The following DNAH9 variants were observed in gnomAD, a reference collection of about 807,000 sequenced individuals.
DNAH9 encodes dynein axonemal heavy chain 9, also known as DNAH9 variant protein.
A neutral mutation model predicts 471.6 loss-of-function variants in DNAH9; 345 were observed. The observed-to-expected ratio is 0.73, with a 90% confidence interval of 0.67 to 0.80. The LOEUF is 0.80. DNAH9 is among the 30% of genes least tolerant of loss of function. The pLI is 0.00. For synonymous variants in DNAH9, 2,093 were observed against 2,123.6 expected (o/e 0.99, Z 0.40); for missense variants, 5,407 against 5,609.2 (o/e 0.96, Z 1.15).
At chr17:11,627,419 G>A (rs776422565) in intron 6 of DNAH9, among the ~76,000 whole-genome samples, 7 of 152,218 alleles carry the variant, frequency 4.6e-5, no homozygotes, top group East Asian at 1.9e-4. Flanking sequence ...AAAATGGTAC[G>A]AAGTATTTCC....
At chr17:11,751,773 G>GA (rs58528888) in intron 32 of DNAH9, among the ~76,000 whole-genome samples, 5 of 150,714 alleles carry the variant, frequency 3.3e-5, no homozygotes, top group East Asian at 3.9e-4. Flanking sequence ...TTGGAGGAAA[G>GA]AAAAAAAAAT....
At chr17:11,807,633 C>A in intron 43 of DNAH9, 99 bp from the exon 44 acceptor site, 1 of 1,298,518 alleles carries the variant, frequency 7.7e-7, no homozygotes, top group Non-Finnish European at 1.1e-6. Context: ...CTGTGACGTG[C>A]CTCCAAGGAA....
In DNAH9 at chr17:11,617,459, G is replaced by C; in HGVS notation, c.953G>C (p.Arg318Pro). ...CATGTGCACCTGATACCGCTCCAGC[G>C]CCACCTGGAAGCTCTGGAGAATGCA... ...DIHVHLIPLQ[R>P]HLEALENAEF... The change falls in exon 5 of 69, where the codon CGC becomes CCC. Residue 318 changes from arginine (R) to proline (P), a missense_variant. By Grantham distance (103) the Arg-to-Pro change is moderately radical. Coordinates refer to ENST00000262442, the MANE Select transcript of DNAH9 (RefSeq NM_001372.4). The C allele has an allele frequency of 6.2e-7, 1 of 1,614,120 alleles. No homozygotes were observed.
intron 62 of DNAH9, among the ~76,000 whole-genome samples, chr17:11,929,091 G>A (rs1567557053): frequency 7.0e-6 from 1 of 143,238 alleles, no homozygotes; most frequent in Admixed American, 7.4e-5. Flanking sequence ...CTGGAGTGCA[G>A]TGGCGTGATC....
At chr17:11,827,016 G>A (rs1423567495) in intron 48 of DNAH9, among the ~76,000 whole-genome samples, 2 of 151,698 alleles carry the variant, frequency 1.3e-5, no homozygotes, top group East Asian at 1.9e-4. Flanking sequence ...GTAGAGATGG[G>A]GTTTCACCAT....
intron 57 of DNAH9, among the ~76,000 whole-genome samples, chr17:11,890,214 C>T (rs1238452940): frequency 6.6e-6 from 1 of 152,032 alleles, no homozygotes; most frequent in Non-Finnish European, 1.5e-5. Context: ...CACTCTGTCT[C>T]TATGAAACTG....
In DNAH9 at chr17:11,742,167, AT is replaced by A. The variant is rs2075442282; in HGVS notation, c.5973-7del. Reference sequence around the variant, plus strand: ...AACTGACTGGGCCTTCTGTCTTTCTATACTCAGGCCTTGTGCAATGGTGGTT... The same window carrying A: ...AACTGACTGGGCCTTCTGTCTTTCTAACTCAGGCCTTGTGCAATGGTGGTT... On this transcript the variant is annotated splice_polypyrimidine_tract_variant and splice_region_variant and intron_variant, in intron 29 of 68. Coordinates refer to ENST00000262442, the MANE Select transcript of DNAH9 (RefSeq NM_001372.4). 3.1e-6 allele frequency: 5 copies of A among 1,613,586 alleles called. No homozygotes were observed. Among genetic ancestry groups the A allele is most frequent in the Non-Finnish European group, 4.2e-6 (5 of 1,179,764 alleles).
chr17:11,947,815 TC>T (rs1158685999), intron 67 of DNAH9, among the ~76,000 whole-genome samples: 1 of 138,506 alleles, frequency 7.2e-6, no homozygotes, highest in Admixed American at 7.8e-5. Flanking sequence ...AGAGTCTTGC[TC>T]TGTTGCCCAG....
chr17:11,844,338 A>G (rs1971139526), intron 49 of DNAH9, among the ~76,000 whole-genome samples: 1 of 152,176 alleles, frequency 6.6e-6, no homozygotes, highest in African/African-American at 2.4e-5. Context: ...GTATTTTGAT[A>G]TTTTGTACAT....
intron 48 of DNAH9, among the ~76,000 whole-genome samples, chr17:11,831,789 C>T (rs1970693515): frequency 6.6e-6 from 1 of 152,152 alleles, no homozygotes; most frequent in Non-Finnish European, 1.5e-5. Context: ...ATCATGACTG[C>T]TCTCTTTAGC....
chr17:11,698,864 C>T lies in DNAH9; in HGVS notation c.4873-867C>T, dbSNP rs560608297. The stretch of plus-strand genomic sequence containing the variant: ...TCAGATGCCATGGCTGGGAGCAGCC[C>T]GGCACAGCCAGACTTTATGCTTGCC... On this transcript the variant is annotated intron_variant, in intron 22 of 68. Coordinates refer to ENST00000262442, the MANE Select transcript of DNAH9 (RefSeq NM_001372.4). 1.6e-4 allele frequency among the ~76,000 whole-genome samples: 24 copies of T among 152,154 alleles called. No homozygotes were observed. The South Asian group carries it at 1.7e-3, about 11-fold the overall frequency.
intron 14 of DNAH9, among the ~76,000 whole-genome samples, chr17:11,654,249 G>C (rs371961589): frequency 1.0e-5 from 1 of 95,760 alleles, no homozygotes; most frequent in East Asian, 2.5e-4. Flanking sequence ...CCAGCTACTC[G>C]GGAGGCTGAG....
intron 49 of DNAH9, 51 bp from the exon 50 acceptor site, chr17:11,853,952 A>T (rs1721311011): frequency 8.3e-6 from 13 of 1,561,864 alleles, no homozygotes; most frequent in Non-Finnish European, 1.0e-5. Context: ...GTGGCAGAGG[A>T]CAAAGAAAGC....
chr17:11,764,739 A>T (rs993434511), intron 36 of DNAH9, among the ~76,000 whole-genome samples: 5 of 152,206 alleles, frequency 3.3e-5, no homozygotes, highest in African/African-American at 4.8e-5. Context: ...AGGGAAGATA[A>T]ATCTTACATC....
intron 2 of DNAH9, among the ~76,000 whole-genome samples, chr17:11,608,655 AC>A (rs961743869): frequency 2.6e-5 from 4 of 152,092 alleles, no homozygotes; most frequent in Non-Finnish European, 5.9e-5. Flanking sequence ...ATTGGCAAAG[AC>A]CCAGGTCCAG....
Position 11,626,115 on chromosome 17 carries a change from A to G in DNAH9, c.1351-3302A>G, listed in dbSNP as rs997215281. Among the ~76,000 whole-genome samples the G allele has an allele frequency of 5.3e-5, 8 of 152,194 alleles. No homozygotes were observed. Among genetic ancestry groups the G allele is most frequent in the African/African-American group, 1.9e-4 (8 of 41,446 alleles). ...TTTGTTTGTTCTGGCCCTAGATCCT[A>G]GGCTCTTTCCACAATGCCATATGTT... On this transcript the variant is annotated intron_variant, in intron 6 of 68. Transcript: ENST00000262442. This position sits in a 1 kb window ranked among gnomAD's most constrained non-coding sequence, Gnocchi z 4.3.
chr17:11,918,538 C>A (rs1432262315), intron 61 of DNAH9, among the ~76,000 whole-genome samples: 1 of 151,830 alleles, frequency 6.6e-6, no homozygotes, highest in Non-Finnish European at 1.5e-5. Context: ...GCCCTCTTTT[C>A]TTTAAAAGGC....
At chr17:11,725,018 G>T (rs1428865034) in intron 27 of DNAH9, among the ~76,000 whole-genome samples, 3 of 152,170 alleles carry the variant, frequency 2.0e-5, no homozygotes, top group Admixed American at 6.5e-5. Flanking sequence ...CCTCACATGT[G>T]CAATTCACAA....
At chr17:11,605,655 A>G (rs1282990489) in intron 1 of DNAH9, among the ~76,000 whole-genome samples, 1 of 145,684 alleles carries the variant, frequency 6.9e-6, no homozygotes, top group South Asian at 2.1e-4. Flanking sequence ...ATGCGCCACT[A>G]CAACCGGGCA....
Sources: allele counts gnomAD v4.1 joint callset (sites outside exome capture counted in the v4.1 genomes callset), GRCh38; gene constraint gnomAD v4.1.1; non-coding constraint Gnocchi (gnomAD v3.1); transcripts MANE v1.5; gene names NCBI Gene and HGNC (gene_info 2026-07-23, HGNC 2026-07-21).